Variants in PRELID2 observed in about 807,000 individuals in gnomAD.
PRELID2 encodes PRELI domain-containing protein 2.
A neutral mutation model predicts 28.4 loss-of-function variants in PRELID2; 25 were observed. That is an observed-to-expected ratio of 0.88 (90% CI 0.64 to 1.23). The LOEUF (loss-of-function observed/expected upper bound fraction) is 1.23, where lower values mean the gene tolerates loss of function less well. Among genes scored for constraint, PRELID2 ranks in the 50% most tolerant of loss-of-function variants. PRELID2 has a pLI of 0.00. For synonymous variants in PRELID2, 76 were observed against 71.6 expected, an observed-to-expected ratio of 1.06 and a Z score of -0.31; for missense variants, 201 against 214.4, an observed-to-expected ratio of 0.94 and a Z score of 0.39.
At chr5:145,337,737 A>T in the PRELID2 span, among the ~76,000 whole-genome samples, 27 of 124,408 alleles carry the variant, frequency 2.2e-4, no homozygotes, top group African/African-American at 6.3e-4. Context: ...ATATACTCAC[A>T]CACACACACA....
intron 1 of PRELID2, among the ~76,000 whole-genome samples, chr5:145,724,639 A>ATATATATATATG (rs1756088903): frequency 9.2e-6 from 1 of 109,238 alleles, no homozygotes; most frequent in Non-Finnish European, 1.9e-5. Flanking sequence ...ATATATATAT[A>ATATATATATATG]TATATATAAT....
intron 1 of PRELID2, among the ~76,000 whole-genome samples, chr5:145,824,789 T>C (rs1197816581): frequency 6.6e-6 from 1 of 152,180 alleles, no homozygotes; most frequent in African/African-American, 2.4e-5. Context: ...GCAACCTCAA[T>C]ATCTCTTCAT....
the PRELID2 span, among the ~76,000 whole-genome samples, chr5:145,297,301 T>C: frequency 6.6e-6 from 1 of 152,140 alleles, no homozygotes; most frequent in South Asian, 2.1e-4. Context: ...GCCTAGGTTT[T>C]CTTCTAGGGT....
chr5:145,295,168 T>C, the PRELID2 span, among the ~76,000 whole-genome samples: 1 of 152,132 alleles, frequency 6.6e-6, no homozygotes, highest in Non-Finnish European at 1.5e-5. Context: ...CTTTAGATTA[T>C]ACAAACACAA....
chr5:145,630,318 T>C (rs115907172), intron 1 of PRELID2, among the ~76,000 whole-genome samples: 1 of 152,140 alleles, frequency 6.6e-6, no homozygotes, highest in Non-Finnish European at 1.5e-5. Flanking sequence ...ACTGGGTGAC[T>C]ATGGGAGAGG....
intron 1 of PRELID2, among the ~76,000 whole-genome samples, chr5:145,653,805 TA>T (rs754046634): frequency 1.3e-5 from 2 of 152,166 alleles, no homozygotes; most frequent in Non-Finnish European, 2.9e-5. Context: ...AGGAAAGATC[TA>T]AAATTGACAT....
intron 1 of PRELID2, among the ~76,000 whole-genome samples, chr5:145,555,664 C>T (rs979839365): frequency 6.6e-6 from 1 of 152,046 alleles, no homozygotes; most frequent in Non-Finnish European, 1.5e-5. Flanking sequence ...GTGATGAATG[C>T]TGAAGCTGAT....
At chr5:145,389,597 T>G in the PRELID2 span, among the ~76,000 whole-genome samples, 5 of 152,124 alleles carry the variant, frequency 3.3e-5, no homozygotes, top group African/African-American at 4.8e-5. Context: ...CTATTTAACA[T>G]AAAATACAGT....
chr5:145,584,767 A>G (rs1346730646), intron 1 of PRELID2, among the ~76,000 whole-genome samples: 1 of 152,208 alleles, frequency 6.6e-6, no homozygotes, highest in Non-Finnish European at 1.5e-5. Flanking sequence ...GGTGATTATT[A>G]AAAAGTAATC....
chr5:145,819,251 A>G (rs775715214), intron 3 of PRELID2: 17 of 689,638 alleles, frequency 2.5e-5, no homozygotes, highest in Non-Finnish European at 3.6e-5. Context: ...TTGGGTTGAA[A>G]CTACCCTCTG....
chr5:145,651,144 G>A lies in PRELID2; in HGVS notation n.70+113787C>T, dbSNP rs535656412. Among the ~76,000 whole-genome samples the A allele has an allele frequency of 2.2e-4, 33 of 152,180 alleles. No individual in the cohort carries two copies. The South Asian group carries it at 4.3e-3, about 20-fold the overall frequency. Reference sequence around the variant, plus strand: ...CTGGCTCAGAGGGTCCCACGCCCACGGAGCCTCATTCATTACTAGCACAGC... The same window carrying A: ...CTGGCTCAGAGGGTCCCACGCCCACAGAGCCTCATTCATTACTAGCACAGC... On this transcript the variant is annotated intron_variant and non_coding_transcript_variant, in intron 1 of 2. Coordinates refer to the PRELID2 transcript ENST00000510259.
the PRELID2 span, among the ~76,000 whole-genome samples, chr5:145,287,912 G>GT: frequency 6.6e-6 from 1 of 152,096 alleles, no homozygotes; most frequent in Non-Finnish European, 1.5e-5. Flanking sequence ...GACCTTGACT[G>GT]TTTTAAGGAG....
chr5:145,453,840 C>T, the PRELID2 span, among the ~76,000 whole-genome samples: 1 of 152,170 alleles, frequency 6.6e-6, no homozygotes, highest in Non-Finnish European at 1.5e-5. Context: ...ATATATGCCA[C>T]ATTTTCTTTA....
chr5:145,677,863 C>T (rs1001697140), intron 1 of PRELID2, among the ~76,000 whole-genome samples: 1 of 152,098 alleles, frequency 6.6e-6, no homozygotes, highest in African/African-American at 2.4e-5. Flanking sequence ...CCTGTAATCC[C>T]AGCACTTTGG....
chr5:145,649,383 T>C (rs987446408), intron 1 of PRELID2, among the ~76,000 whole-genome samples: 4 of 152,182 alleles, frequency 2.6e-5, no homozygotes, highest in African/African-American at 9.7e-5. Flanking sequence ...TATTATAAAA[T>C]AGGCTCTGTG....
At chr5:145,593,617 GGAAGAGGAAAGGCAAAGA>G (rs2149632739) in intron 1 of PRELID2, among the ~76,000 whole-genome samples, 1 of 152,268 alleles carries the variant, frequency 6.6e-6, no homozygotes, top group East Asian at 1.9e-4. Context: ...AAAAGGCAGA[GGAAGAGGAAAGGCAAAGA>G]GAAAGTATAA....
At chr5:145,387,465 G>A in the PRELID2 span, among the ~76,000 whole-genome samples, 1 of 152,144 alleles carries the variant, frequency 6.6e-6, no homozygotes. Context: ...TTATATCTTT[G>A]ACACTTGACC....
the PRELID2 span, among the ~76,000 whole-genome samples, chr5:145,310,708 T>C: frequency 6.6e-6 from 1 of 152,192 alleles, no homozygotes; most frequent in Non-Finnish European, 1.5e-5. Flanking sequence ...CATCTCCTGA[T>C]GGTCTCTTAG....
At chr5:145,408,130 C>A in the PRELID2 span, among the ~76,000 whole-genome samples, 1 of 151,444 alleles carries the variant, frequency 6.6e-6, no homozygotes, top group Admixed American at 6.6e-5. Context: ...TACCCCATGG[C>A]AGAAAAAAAA....
Sources: gnomAD v4.1 joint callset for allele counts (sites outside exome capture counted in the v4.1 genomes callset) on GRCh38, gnomAD v4.1.1 for gene constraint, MANE v1.5 for transcripts, NCBI Gene and HGNC (gene_info 2026-07-23, HGNC 2026-07-21) for gene names.